Variants in SMAD3 observed in about 807,000 individuals in gnomAD.
SMAD3 encodes the protein SMAD family member 3.
In SMAD3, 12 loss-of-function variants were observed where a neutral mutation model predicts 51.8. The observed-to-expected ratio is 0.23, with a 90% CI of 0.15 to 0.38. SMAD3 has a LOEUF of 0.38. Ranked by LOEUF, SMAD3 falls within the 10% of genes least tolerant of loss-of-function variation. The probability of loss-of-function intolerance (pLI) is 1.00; values close to 1 mark genes in which losing one functional copy is unlikely to be tolerated. For missense variants in SMAD3, 294 were observed against 565.6 expected (o/e 0.52, Z 4.87); for synonymous variants, 238 against 227.7 (o/e 1.05, Z -0.41).
At position 67,192,870 on chromosome 15, in the gene SMAD3, AAGGCTACTTCT is replaced by A; in HGVS notation, c.*2338_*2348del. 1 of 233,366 alleles carries A rather than the reference AAGGCTACTTCT, an allele frequency of 4.3e-6. No individual in the cohort carries two copies. The highest frequency in any genetic ancestry group is 8.5e-6 in the Non-Finnish European group (1 of 117,990). 14.5% of individuals were successfully genotyped at this position (233,366 alleles called of 1,614,324 possible). A position where few individuals can be genotyped will look rare whatever the true frequency, so the allele number is the denominator to read the frequency against. ...TTAGAACCCTCATTGCTCAGACCTG[AAGGCTACTTCT>A]AGGAGCATGAAGTTTGAGTTTTGTG... On this transcript the variant is annotated 3_prime_UTR_variant, in exon 9 of 9. Coordinates refer to ENST00000327367, the MANE Select transcript of SMAD3 (RefSeq NM_005902.4).
At chr15:67,160,019 G>A (rs932159290) in intron 1 of SMAD3, among the ~76,000 whole-genome samples, 5 of 152,202 alleles carry the variant, frequency 3.3e-5, no homozygotes, top group African/African-American at 9.6e-5. Context: ...CTTTGAAGTG[G>A]AATGGTGGAT....
intron 1 of SMAD3, among the ~76,000 whole-genome samples, chr15:67,119,669 A>G (rs1412271518): frequency 6.6e-6 from 1 of 152,260 alleles, no homozygotes; most frequent in Non-Finnish European, 1.5e-5. Flanking sequence ...ATTATTTTGT[A>G]AGAAGCTTAT....
rs1011413992 is a variant in SMAD3 at position 67,193,678 on chromosome 15, A to G, written c.*3142A>G. ...GCTGGCAGACGTCTCCATTGTCCTT[A>G]TGTTGTCTGTGTTGTATTTTTTTTT... On this transcript the variant is annotated 3_prime_UTR_variant, in exon 9 of 9. Transcript: ENST00000327367. 2 of 232,018 alleles carry G rather than the reference A, an allele frequency of 8.6e-6. No individual in the cohort carries two copies. The highest frequency in any genetic ancestry group is 1.7e-5 in the Non-Finnish European group (2 of 117,508). The allele number at this position is 232,018 out of a possible 1,614,324, so 14.4% of individuals were successfully genotyped here. A position where few individuals can be genotyped will look rare whatever the true frequency, so the allele number is the denominator to read the frequency against.
At chr15:67,080,734 A>G (rs778510985) in intron 1 of SMAD3, among the ~76,000 whole-genome samples, 1 of 152,248 alleles carries the variant, frequency 6.6e-6, no homozygotes, top group African/African-American at 2.4e-5. Flanking sequence ...GATTGTGGTC[A>G]GTGCATGGAA....
At chr15:67,099,140 A>T in intron 1 of SMAD3, 1 of 645,296 alleles carries the variant, frequency 1.5e-6, no homozygotes, top group Non-Finnish European at 2.8e-6. Flanking sequence ...ACATGAGAAG[A>T]AGTAGCCGCT....
At chr15:67,128,765 G>T (rs1393495371) in intron 1 of SMAD3, among the ~76,000 whole-genome samples, 1 of 151,990 alleles carries the variant, frequency 6.6e-6, no homozygotes, top group African/African-American at 2.4e-5. Flanking sequence ...TTAGTAGAGT[G>T]AACCTCGCCA....
chr15:67,081,731 G>C (rs994824675), intron 1 of SMAD3, among the ~76,000 whole-genome samples: 1 of 152,040 alleles, frequency 6.6e-6, no homozygotes, highest in Admixed American at 6.5e-5. Flanking sequence ...GCAGAAAAGG[G>C]CTCCTATTCC....
intron 1 of SMAD3, among the ~76,000 whole-genome samples, chr15:67,097,046 A>G (rs149275440): frequency 6.6e-6 from 1 of 151,966 alleles, no homozygotes; most frequent in East Asian, 1.9e-4. Context: ...CCCTAGTTTG[A>G]CTCTTAACTC....
intron 1 of SMAD3, among the ~76,000 whole-genome samples, chr15:67,100,180 T>TA (rs34746545): frequency 0.63 from 69,508 of 109,834 alleles, 22,465 homozygotes; most frequent in South Asian, 0.82. Flanking sequence ...AAACTCCATC[T>TA]AAAAAAAAAA....
intron 5 of SMAD3, among the ~76,000 whole-genome samples, chr15:67,179,213 G>A (rs1962987163): frequency 6.6e-6 from 1 of 152,180 alleles, no homozygotes; most frequent in Non-Finnish European, 1.5e-5. Context: ...TGGCTTTATA[G>A]CTTGTGCCCC....
chr15:67,168,464 G>T (rs987817526), intron 4 of SMAD3, among the ~76,000 whole-genome samples: 1 of 152,202 alleles, frequency 6.6e-6, no homozygotes, highest in Non-Finnish European at 1.5e-5. Context: ...CAGTGCAGGC[G>T]TGGGAAGCAG....
At chr15:67,073,986 T>G (rs1269280500) in intron 1 of SMAD3, among the ~76,000 whole-genome samples, 1 of 152,200 alleles carries the variant, frequency 6.6e-6, no homozygotes, top group African/African-American at 2.4e-5. Flanking sequence ...TACAAACATT[T>G]TAAAAGCTCC....
chr15:67,125,915 G>A (rs1195613354), intron 1 of SMAD3: 5 of 985,356 alleles, frequency 5.1e-6, no homozygotes, highest in Admixed American at 6.1e-5. Context: ...CACAGGATGC[G>A]ACATTCCCAC....
At chr15:67,163,513 T>A (rs1314372433) in intron 1 of SMAD3, among the ~76,000 whole-genome samples, 1 of 152,146 alleles carries the variant, frequency 6.6e-6, no homozygotes, top group East Asian at 1.9e-4. Context: ...TAGCTGACAA[T>A]GCTTTTGCCG....
intron 7 of SMAD3, 186 bp from the exon 8 acceptor site, chr15:67,187,179 C>G: frequency 1.4e-6 from 1 of 722,154 alleles, no homozygotes; most frequent in South Asian, 1.5e-5. Context: ...AGGGGAGGGA[C>G]TGGGTTGGCC....
intron 1 of SMAD3, among the ~76,000 whole-genome samples, chr15:67,127,152 C>A (rs1360257314): frequency 6.6e-6 from 1 of 152,178 alleles, no homozygotes; most frequent in Non-Finnish European, 1.5e-5. Context: ...CAGACACCGG[C>A]ATAAACCCAG....
At chr15:67,112,373 C>A (rs59193564) in intron 1 of SMAD3, among the ~76,000 whole-genome samples, 2,218 of 94,004 alleles carry the variant, frequency 0.024, 68 homozygotes, top group East Asian at 0.06. Flanking sequence ...GTTGGTCAAG[C>A]TGGTCTTGAA....
At chr15:67,158,203 C>T (rs545431170) in intron 1 of SMAD3, among the ~76,000 whole-genome samples, 44 of 152,232 alleles carry the variant, frequency 2.9e-4, no homozygotes, top group Middle Eastern at 6.8e-3. Context: ...GGCCCAGTGC[C>T]CTATAAGGCC....
Position 67,067,955 on chromosome 15 carries a change from C to A in SMAD3, c.206+1595C>A, listed in dbSNP as rs185459131. Among the ~76,000 whole-genome samples the A allele has an allele frequency of 1.0e-3, 155 of 152,182 alleles. 1 individual carries two copies. Among genetic ancestry groups the A allele is most frequent in the African/African-American group, 3.7e-3 (152 of 41,522 alleles). On this transcript the variant is annotated intron_variant, in intron 1 of 8. Coordinates refer to ENST00000327367, the MANE Select transcript of SMAD3 (RefSeq NM_005902.4). ...TCTTTCTGGGGAGGGGTCTGCCAAA[C>A]CTACCTTCTCCTTATCTGCCTGGGT...
Sources: gnomAD v4.1 joint callset for allele counts (sites outside exome capture counted in the v4.1 genomes callset) on GRCh38, gnomAD v4.1.1 for gene constraint, MANE v1.5 for transcripts, NCBI Gene and HGNC (gene_info 2026-07-23, HGNC 2026-07-21) for gene names.